Variants in KLRG1 observed in about 807,000 individuals in gnomAD.
The protein encoded by KLRG1 is killer cell lectin like receptor G1.
KLRG1 carries 16 observed loss-of-function variants against 21.8 expected under a neutral mutation model. The observed-to-expected ratio is 0.73, with a 90% CI of 0.50 to 1.11. The LOEUF (loss-of-function observed/expected upper bound fraction) is 1.11. Ranked by LOEUF, KLRG1 falls within the 50% of genes most tolerant of loss-of-function variation. The probability of loss-of-function intolerance (pLI) is 0.00; values close to 1 mark genes in which losing one functional copy is unlikely to be tolerated. For synonymous variants in KLRG1, 69 were observed against 75.9 expected, an observed-to-expected ratio of 0.91 and a Z score of 0.47; for missense variants, 173 against 218.3, an observed-to-expected ratio of 0.79 and a Z score of 1.31.
the KLRG1 span, among the ~76,000 whole-genome samples, chr12:9,178,817 A>G: frequency 6.6e-6 from 1 of 152,204 alleles, no homozygotes; most frequent in Non-Finnish European, 1.5e-5. Context: ...ACCCCTGCAG[A>G]TCAGGGGGCA....
At chr12:9,053,026 G>C in the KLRG1 span, among the ~76,000 whole-genome samples, 36 of 152,310 alleles carry the variant, frequency 2.4e-4, 1 homozygote, top group Admixed American at 8.5e-4. Flanking sequence ...TTATAATGTT[G>C]ATGAGACAAT....
At chr12:9,036,910 G>A in the KLRG1 span, 33 of 324,806 alleles carry the variant, frequency 1.0e-4, no homozygotes, top group Non-Finnish European at 1.9e-4. Context: ...GGGGGACTTC[G>A]AGCTTCACAC....
the KLRG1 span, among the ~76,000 whole-genome samples, chr12:9,135,952 A>C: frequency 6.6e-6 from 1 of 152,200 alleles, no homozygotes. Context: ...GAACTATCAC[A>C]CTTGAAAATT....
chr12:9,113,281 G>T, the KLRG1 span: 1 of 1,485,484 alleles, frequency 6.7e-7, no homozygotes, highest in Non-Finnish European at 9.2e-7. Flanking sequence ...ACCTCCCAAA[G>T]CCTCATCTGA....
At chr12:9,072,229 A>T in the KLRG1 span, 1 of 1,072,554 alleles carries the variant, frequency 9.3e-7, no homozygotes, top group Non-Finnish European at 1.3e-6. Context: ...ATATCAACTT[A>T]AGAGAATACA....
the KLRG1 span, among the ~76,000 whole-genome samples, chr12:9,184,132 C>T: frequency 6.6e-6 from 1 of 152,216 alleles, no homozygotes; most frequent in African/African-American, 2.4e-5. Context: ...AATTTGCCAA[C>T]ACATGTGTGT....
chr12:9,207,597 C>T, the KLRG1 span, among the ~76,000 whole-genome samples: 1 of 152,164 alleles, frequency 6.6e-6, no homozygotes, highest in Non-Finnish European at 1.5e-5. Flanking sequence ...GGCTAAACTT[C>T]AACAGTGCAT....
At chr12:8,959,265 AT>A (rs1478789935) in intron 1 of KLRG1, among the ~76,000 whole-genome samples, 2 of 152,188 alleles carry the variant, frequency 1.3e-5, no homozygotes, top group Non-Finnish European at 2.9e-5. Flanking sequence ...GGGTCGCAAG[AT>A]TTAGAGCTTC....
At chr12:8,971,024 A>G (rs182384664) in intron 1 of KLRG1, 14 of 152,284 alleles carry the variant, frequency 9.2e-5, no homozygotes, top group East Asian at 1.9e-4. Context: ...TTTCATGTCT[A>G]TAATCTTGAA....
chr12:9,200,246 G>A, the KLRG1 span: 5 of 578,232 alleles, frequency 8.6e-6, no homozygotes, highest in Admixed American at 3.5e-5. Flanking sequence ...ATAAAGAGAA[G>A]TCAAAGGAGT....
chr12:9,128,253 C>T, the KLRG1 span: 12 of 167,002 alleles, frequency 7.2e-5, no homozygotes, highest in South Asian at 1.8e-3. Flanking sequence ...AGCCAGTATG[C>T]GGTCATAACT....
the KLRG1 span, among the ~76,000 whole-genome samples, chr12:9,042,861 C>A: frequency 1.1e-3 from 168 of 152,120 alleles, 2 homozygotes; most frequent in East Asian, 0.017. Context: ...GATCTTAGAA[C>A]CCAGAAAGCA....
At chr12:9,056,173 A>G in the KLRG1 span, among the ~76,000 whole-genome samples, 1 of 152,190 alleles carries the variant, frequency 6.6e-6, no homozygotes, top group Non-Finnish European at 1.5e-5. Context: ...AAGCTTGAGA[A>G]TGGGAGCTTC....
the KLRG1 span, among the ~76,000 whole-genome samples, chr12:9,141,469 T>G: frequency 1.3e-5 from 2 of 152,214 alleles, no homozygotes; most frequent in East Asian, 3.8e-4. Flanking sequence ...AAGAGCAGGT[T>G]AGTGCTTTAA....
At chr12:9,053,824 G>C in the KLRG1 span, among the ~76,000 whole-genome samples, 1 of 152,132 alleles carries the variant, frequency 6.6e-6, no homozygotes, top group East Asian at 1.9e-4. Context: ...CCTTTCAGGT[G>C]CTGCATACTA....
the KLRG1 span, among the ~76,000 whole-genome samples, chr12:9,126,366 A>G: frequency 7.9e-5 from 12 of 152,328 alleles, no homozygotes; most frequent in East Asian, 2.3e-3. Context: ...TTTAGGACAC[A>G]ATGTGTATGA....
intron 1 of KLRG1, among the ~76,000 whole-genome samples, chr12:8,972,162 A>ATT (rs200845638): frequency 6.7e-6 from 1 of 149,686 alleles, no homozygotes. Flanking sequence ...TCTTTAATCC[A>ATT]TTTTTTCTTT....
chr12:9,099,703 A>AT, the KLRG1 span, among the ~76,000 whole-genome samples: 5 of 152,156 alleles, frequency 3.3e-5, no homozygotes, highest in Admixed American at 3.3e-4. Flanking sequence ...TACTCTGTTG[A>AT]TTTTTCACCA....
At chr12:8,991,370 C>T (rs758476927) in intron 1 of KLRG1, among the ~76,000 whole-genome samples, 11 of 152,226 alleles carry the variant, frequency 7.2e-5, no homozygotes, top group South Asian at 6.2e-4. Context: ...CTTTTAATAA[C>T]GACAGTTTAC....
Sources: allele counts gnomAD v4.1 joint callset (sites outside exome capture counted in the v4.1 genomes callset), GRCh38; gene constraint gnomAD v4.1.1; transcripts MANE v1.5; gene names NCBI Gene and HGNC (gene_info 2026-07-23, HGNC 2026-07-21).